The following CTNNA2 variants were observed in gnomAD, a reference collection of about 807,000 sequenced individuals.
The protein encoded by CTNNA2 is catenin alpha 2, also known as catenin alpha-2.
CTNNA2 carries 42 observed loss-of-function variants against 101.0 expected under a neutral mutation model. That is an observed-to-expected ratio of 0.42 (90% confidence interval 0.32 to 0.54). CTNNA2 has a LOEUF of 0.54. Among genes scored for constraint, CTNNA2 ranks in the 20% least tolerant of loss-of-function variants. CTNNA2 has a pLI of 0.14. For missense variants in CTNNA2, 871 were observed against 1,223.1 expected (o/e 0.71, Z 4.29); for synonymous variants, 450 against 456.4 (o/e 0.99, Z 0.18).
chr2:79,643,122 C>G (rs927659932), intron 1 of CTNNA2, among the ~76,000 whole-genome samples: 1 of 151,904 alleles, frequency 6.6e-6, no homozygotes, highest in African/African-American at 2.4e-5. Context: ...ACTGGGGAGG[C>G]GGGGGTTGCA....
chr2:80,556,001 C>G (rs373282958), intron 12 of CTNNA2, 108 bp downstream of exon 12: 3 of 733,964 alleles, frequency 4.1e-6, no homozygotes, highest in Non-Finnish European at 6.2e-6. Context: ...TTCTAAATTG[C>G]ACATAATTGT....
chr2:80,261,479 C>G (rs1405846241), intron 7 of CTNNA2, among the ~76,000 whole-genome samples: 1 of 151,956 alleles, frequency 6.6e-6, no homozygotes, highest in African/African-American at 2.4e-5. Context: ...TTTTTTAACA[C>G]CAGTTTGTAG....
intron 3 of CTNNA2, among the ~76,000 whole-genome samples, chr2:79,824,552 T>G (rs1001792907): frequency 2.0e-5 from 3 of 152,208 alleles, no homozygotes; most frequent in African/African-American, 7.2e-5. Context: ...ATTATTTCCC[T>G]TACTTTCTCA....
intron 2 of CTNNA2, among the ~76,000 whole-genome samples, chr2:79,678,293 G>A (rs1683323359): frequency 6.6e-6 from 1 of 152,092 alleles, no homozygotes; most frequent in South Asian, 2.1e-4. Flanking sequence ...TGTAATCCTA[G>A]CACTTTGGGA....
At chr2:80,162,465 G>A (rs771745601) in intron 7 of CTNNA2, 86 of 1,596,690 alleles carry the variant, frequency 5.4e-5, no homozygotes, top group Middle Eastern at 1.7e-4. Flanking sequence ...CGAGATGAGC[G>A]CCATTTTCCA....
At chr2:79,668,918 G>A (rs1449838089) in intron 2 of CTNNA2, among the ~76,000 whole-genome samples, 2 of 152,114 alleles carry the variant, frequency 1.3e-5, no homozygotes, top group Admixed American at 6.5e-5. Flanking sequence ...TAATCATAAG[G>A]AATAAATAAT....
At chr2:79,725,790 TC>T (rs1432230892) in intron 2 of CTNNA2, among the ~76,000 whole-genome samples, 1 of 152,224 alleles carries the variant, frequency 6.6e-6, no homozygotes, top group African/African-American at 2.4e-5. Flanking sequence ...ATAGATTTTT[TC>T]CATAGATCAT....
intron 3 of CTNNA2, among the ~76,000 whole-genome samples, chr2:79,339,270 G>A (rs557106431): frequency 1.3e-5 from 2 of 152,254 alleles, no homozygotes; most frequent in East Asian, 3.9e-4. Flanking sequence ...TCCAAGAGAA[G>A]AGCATTTCAA....
chr2:79,528,305 A>G (rs1398578970), intron 1 of CTNNA2, among the ~76,000 whole-genome samples: 1 of 151,968 alleles, frequency 6.6e-6, no homozygotes, highest in East Asian at 1.9e-4. Context: ...TCGAACTCCT[A>G]GACACACACG....
intron 7 of CTNNA2, among the ~76,000 whole-genome samples, chr2:80,332,096 T>G (rs1671384672): frequency 6.6e-6 from 1 of 152,136 alleles, no homozygotes; most frequent in Admixed American, 6.5e-5. Flanking sequence ...AATTGCTCTA[T>G]AATGAAACAA....
At chr2:79,517,125 T>C (rs1671850307) in intron 1 of CTNNA2, among the ~76,000 whole-genome samples, 1 of 152,186 alleles carries the variant, frequency 6.6e-6, no homozygotes, top group Non-Finnish European at 1.5e-5. Context: ...ACTCTCTGTG[T>C]GGAGAGACAG....
At chr2:80,614,327 T>A (rs982735073) in intron 17 of CTNNA2, among the ~76,000 whole-genome samples, 5 of 151,570 alleles carry the variant, frequency 3.3e-5, no homozygotes, top group South Asian at 4.1e-4. Context: ...ATAGTACAGA[T>A]AAAACACAAT....
At chr2:80,368,867 G>GTGTGTA (rs112571951) in intron 7 of CTNNA2, among the ~76,000 whole-genome samples, 2,560 of 144,740 alleles carry the variant, frequency 0.018, 71 homozygotes, top group African/African-American at 0.061. Context: ...GTGTGTGTGT[G>GTGTGTA]TATATATATA....
intron 4 of CTNNA2, among the ~76,000 whole-genome samples, chr2:79,382,789 A>T (rs1314582740): frequency 6.6e-6 from 1 of 151,876 alleles, no homozygotes; most frequent in Non-Finnish European, 1.5e-5. Flanking sequence ...AATTTTTCAT[A>T]TTTTTTAATA....
At chr2:80,065,925 A>T (rs1697955542) in intron 7 of CTNNA2, among the ~76,000 whole-genome samples, 1 of 152,182 alleles carries the variant, frequency 6.6e-6, no homozygotes, top group African/African-American at 2.4e-5. Flanking sequence ...AAATAACTTA[A>T]AGATTGACCA....
chr2:80,542,226 TTTAC>T (rs1262814326), intron 9 of CTNNA2, among the ~76,000 whole-genome samples: 3 of 147,670 alleles, frequency 2.0e-5, no homozygotes, highest in Non-Finnish European at 3.0e-5. Flanking sequence ...TGTAGTCTTA[TTTAC>T]TTATTTATTT....
At position 79,362,831 on chromosome 2, in the gene CTNNA2, G is replaced by T. The variant is rs144885895; in HGVS notation, c.-317-11000G>T. 3.9e-3 allele frequency among the ~76,000 whole-genome samples: 599 copies of T among 152,260 alleles called. 2 individuals are homozygous for T. Among genetic ancestry groups the T allele is most frequent in the Non-Finnish European group, 6.4e-3 (438 of 68,032 alleles). On this transcript the variant is annotated intron_variant, in intron 3 of 21. Coordinates refer to the CTNNA2 transcript ENST00000466387. Reference sequence around the variant, plus strand: ...GCATAGCCTCCAGCTGACCCACAGTGGGCAATAACTTAGTTTGGAGGAGAA... The same window carrying T: ...GCATAGCCTCCAGCTGACCCACAGTTGGCAATAACTTAGTTTGGAGGAGAA...
chr2:80,380,301 G>C (rs1043317719), intron 7 of CTNNA2, among the ~76,000 whole-genome samples: 3 of 152,128 alleles, frequency 2.0e-5, no homozygotes, highest in African/African-American at 7.2e-5. Context: ...CTCCCAAAGT[G>C]CTGGGATTAC....
At chr2:79,947,222 T>C (rs924305003) in intron 7 of CTNNA2, among the ~76,000 whole-genome samples, 4 of 152,172 alleles carry the variant, frequency 2.6e-5, no homozygotes, top group Non-Finnish European at 4.4e-5. Flanking sequence ...AAAATCTGAC[T>C]CCTTAATGAG....
Sources: gnomAD v4.1 joint callset for allele counts (sites outside exome capture counted in the v4.1 genomes callset) on GRCh38, gnomAD v4.1.1 for gene constraint, MANE v1.5 for transcripts, NCBI Gene and HGNC (gene_info 2026-07-23, HGNC 2026-07-21) for gene names.